The following ZNF385B variants were observed in gnomAD, a reference collection of about 807,000 sequenced individuals.
ZNF385B encodes zinc finger protein 385B.
Under a neutral mutation model 39.2 loss-of-function variants are expected in ZNF385B, and 23 were observed. The observed-to-expected ratio is 0.59, with a 90% CI of 0.42 to 0.83. The LOEUF is 0.83. Ranked by LOEUF, ZNF385B falls within the 40% of genes least tolerant of loss-of-function variation. ZNF385B has a pLI of 0.00. For synonymous variants in ZNF385B, 205 were observed against 222.6 expected (o/e 0.92, Z 0.70); for missense variants, 552 against 598.9 (o/e 0.92, Z 0.82).
chr2:179,740,818 T>A (rs1279638489), intron 3 of ZNF385B, among the ~76,000 whole-genome samples: 2 of 152,088 alleles, frequency 1.3e-5, no homozygotes, highest in African/African-American at 4.8e-5. Context: ...CACAATAACG[T>A]TTATGACTAG....
At chr2:179,471,114 G>A (rs2052725159) in intron 6 of ZNF385B, among the ~76,000 whole-genome samples, 1 of 152,112 alleles carries the variant, frequency 6.6e-6, no homozygotes. Flanking sequence ...ATCATGCTAG[G>A]TCTCTTAGGA....
intron 3 of ZNF385B, among the ~76,000 whole-genome samples, chr2:179,673,030 G>T (rs1385331532): frequency 6.6e-6 from 1 of 152,194 alleles, no homozygotes; most frequent in East Asian, 1.9e-4. Context: ...CAACAGCAAA[G>T]CGAGACGGCA....
At chr2:179,804,267 ACCT>A (rs145256514) in intron 1 of ZNF385B, among the ~76,000 whole-genome samples, 6,617 of 152,108 alleles carry the variant, frequency 0.044, 205 homozygotes, top group Non-Finnish European at 0.066. Context: ...CTTGACCTAC[ACCT>A]CCTGAAACCA....
chr2:179,526,151 C>T (rs2058878531), intron 4 of ZNF385B, among the ~76,000 whole-genome samples: 1 of 150,584 alleles, frequency 6.6e-6, no homozygotes, highest in Non-Finnish European at 1.5e-5. Context: ...ATTCTCCCAA[C>T]TCAGCCTTCT....
intron 3 of ZNF385B, among the ~76,000 whole-genome samples, chr2:179,684,525 T>C (rs887045605): frequency 6.6e-6 from 1 of 152,252 alleles, no homozygotes; most frequent in Non-Finnish European, 1.5e-5. Flanking sequence ...CTTACACATA[T>C]TAATCCATGA....
chr2:179,755,029 G>A (rs1702923582), intron 3 of ZNF385B, among the ~76,000 whole-genome samples: 1 of 152,170 alleles, frequency 6.6e-6, no homozygotes, highest in Admixed American at 6.5e-5. Context: ...ATGTTAGGGT[G>A]TCAATTTTAG....
chr2:179,564,778 C>A (rs1236943037), intron 3 of ZNF385B, among the ~76,000 whole-genome samples: 1 of 152,078 alleles, frequency 6.6e-6, no homozygotes, highest in Non-Finnish European at 1.5e-5. Context: ...GTATTTCTAA[C>A]CTTAACTTTT....
chr2:179,668,602 T>C (rs933330955), intron 3 of ZNF385B, among the ~76,000 whole-genome samples: 3 of 148,560 alleles, frequency 2.0e-5, no homozygotes, highest in Non-Finnish European at 4.4e-5. Flanking sequence ...TATCACACAG[T>C]TCCTGGAGCC....
At chr2:179,725,181 CT>C (rs1700926319) in intron 3 of ZNF385B, among the ~76,000 whole-genome samples, 1 of 151,930 alleles carries the variant, frequency 6.6e-6, no homozygotes, top group Non-Finnish European at 1.5e-5. Flanking sequence ...AGAAAAGAGG[CT>C]TGTGTGATCA....
chr2:179,519,918 T>G (rs2058363594), intron 4 of ZNF385B, among the ~76,000 whole-genome samples: 1 of 152,204 alleles, frequency 6.6e-6, no homozygotes, highest in South Asian at 2.1e-4. Flanking sequence ...GAAAGGCAAG[T>G]GGATTGAAGA....
At chr2:179,541,106 C>T (rs1412809995) in intron 4 of ZNF385B, among the ~76,000 whole-genome samples, 1 of 152,220 alleles carries the variant, frequency 6.6e-6, no homozygotes, top group Non-Finnish European at 1.5e-5. Context: ...ATCCTCCAAG[C>T]ATGTGTCCTT....
chr2:179,619,272 T>A (rs563918919), intron 3 of ZNF385B, among the ~76,000 whole-genome samples: 52 of 152,318 alleles, frequency 3.4e-4, no homozygotes, highest in Middle Eastern at 3.4e-3. Flanking sequence ...TAATAGCCAA[T>A]ACACTTATGA....
chr2:179,648,568 C>G (rs1462337297), intron 3 of ZNF385B, among the ~76,000 whole-genome samples: 1 of 152,096 alleles, frequency 6.6e-6, no homozygotes, highest in Non-Finnish European at 1.5e-5. Context: ...CGAAAACACC[C>G]AAATCTTGGT....
intron 3 of ZNF385B, among the ~76,000 whole-genome samples, chr2:179,735,682 C>T (rs1269216493): frequency 6.7e-6 from 1 of 149,450 alleles, no homozygotes; most frequent in Non-Finnish European, 1.5e-5. Context: ...CACATATACA[C>T]AATGGAATAC....
intron 6 of ZNF385B, among the ~76,000 whole-genome samples, chr2:179,447,890 A>G (rs2049665902): frequency 6.6e-6 from 1 of 152,102 alleles, no homozygotes; most frequent in Non-Finnish European, 1.5e-5. Context: ...TTTAGAACAC[A>G]TTGCAAATGA....
intron 3 of ZNF385B, among the ~76,000 whole-genome samples, chr2:179,745,481 G>A (rs1427094985): frequency 2.0e-5 from 3 of 152,106 alleles, no homozygotes; most frequent in Admixed American, 2.0e-4. Flanking sequence ...GATGTCCTCG[G>A]CAAACAGCTA....
At chr2:179,683,898 C>T (rs13406795) in intron 3 of ZNF385B, among the ~76,000 whole-genome samples, 73,234 of 152,004 alleles carry the variant, frequency 0.48, 17,827 homozygotes, top group Admixed American at 0.53. Flanking sequence ...ACAAACTGTG[C>T]TAAGGGCTTA....
chr2:179,653,258 A>T (rs1298556100), intron 3 of ZNF385B, among the ~76,000 whole-genome samples: 1 of 152,176 alleles, frequency 6.6e-6, no homozygotes, highest in Non-Finnish European at 1.5e-5. Flanking sequence ...TTCTTTCAGG[A>T]GCCAATAGAT....
chr2:179,665,216 C>T (rs1694989995), intron 3 of ZNF385B, among the ~76,000 whole-genome samples: 1 of 152,142 alleles, frequency 6.6e-6, no homozygotes, highest in South Asian at 2.1e-4. Context: ...GTGAAATAAA[C>T]AACATAAAGG....
Sources: gnomAD v4.1 joint callset for allele counts (sites outside exome capture counted in the v4.1 genomes callset) on GRCh38, gnomAD v4.1.1 for gene constraint, MANE v1.5 for transcripts, NCBI Gene and HGNC (gene_info 2026-07-23, HGNC 2026-07-21) for gene names.